The following RALY variants were observed in gnomAD, a reference collection of about 807,000 sequenced individuals.
RALY encodes the protein RNA-binding protein Raly.
RALY carries 15 observed loss-of-function variants against 30.7 expected under a neutral mutation model. The ratio of observed to expected loss-of-function variants is 0.49; its 90% CI spans 0.33 to 0.75. The LOEUF (loss-of-function observed/expected upper bound fraction) is 0.75. RALY is among the 30% of genes least tolerant of loss of function. RALY has a pLI of 0.02. For synonymous variants in RALY, 177 were observed against 170.8 expected (o/e 1.04, Z -0.28); for missense variants, 339 against 414.3 (o/e 0.82, Z 1.58).
intron 1 of RALY, among the ~76,000 whole-genome samples, chr20:34,000,177 T>G (rs184292789): frequency 3.3e-5 from 5 of 152,284 alleles, no homozygotes; most frequent in Non-Finnish European, 1.5e-5. Context: ...GAAATTGTGC[T>G]CAGGGTGCAG....
intron 9 of RALY, 107 bp from the exon 10 acceptor site, chr20:34,079,803 C>T (rs1157333082): frequency 1.3e-5 from 2 of 152,254 alleles, no homozygotes; most frequent in African/African-American, 4.8e-5. Context: ...GCAAGAATCT[C>T]TCTGTCTCCA....
chr20:34,023,521 C>G (rs2031907390), intron 1 of RALY, among the ~76,000 whole-genome samples: 2 of 152,156 alleles, frequency 1.3e-5, no homozygotes, highest in South Asian at 4.2e-4. Flanking sequence ...AGTCTCTGGA[C>G]AATGGCCATT....
chr20:34,077,203 C>T lies in RALY; in HGVS notation c.834C>T (p.Asp278=), dbSNP rs775628878. 9.6e-5 allele frequency: 155 copies of T among 1,613,658 alleles called. No homozygotes were observed. Among genetic ancestry groups the T allele is most frequent in the Middle Eastern group, 1.6e-4 (1 of 6,080 alleles). Residue 278 remains aspartate, a synonymous_variant, in exon 8 of 10, where the codon GAC becomes GAT. Coordinates refer to ENST00000246194, the MANE Select transcript of RALY (RefSeq NM_016732.3). ...AGGGGGAAGCACGGACCCGAGACGA[C>T]GGCGATGAGGAAGGGCTCCTGACAC... ...LPQGEARTRD[D]GDEEGLLTHS...
intron 2 of RALY, among the ~76,000 whole-genome samples, chr20:34,034,965 A>G (rs1182096170): frequency 6.6e-6 from 1 of 152,030 alleles, no homozygotes; most frequent in East Asian, 1.9e-4. Flanking sequence ...ATCCTGGCTA[A>G]CACGGTGAAA....
At position 34,076,685 on chromosome 20, in the gene RALY, C is replaced by A; in HGVS notation, c.545-17C>A. ...CCAGCCCCCTAGGTGACAGCCCTGT[C>A]CCCCCTCCACTCCCAGTAAAGAGCA... On this transcript the variant is annotated splice_polypyrimidine_tract_variant and intron_variant, in intron 6 of 9. Coordinates refer to ENST00000246194, the MANE Select transcript of RALY (RefSeq NM_016732.3). 2 of 1,608,734 alleles carry A rather than the reference C, an allele frequency of 1.2e-6. No homozygotes were observed. Among genetic ancestry groups the A allele is most frequent in the Non-Finnish European group, 1.7e-6 (2 of 1,175,820 alleles).
intron 2 of RALY, 75 bp from the exon 3 acceptor site, chr20:34,071,991 A>G: frequency 6.6e-7 from 1 of 1,506,658 alleles, no homozygotes. Flanking sequence ...CAATTCATTT[A>G]TCCAGGATAT....
At chr20:34,024,380 C>A (rs1269285368) in intron 1 of RALY, among the ~76,000 whole-genome samples, 1 of 152,156 alleles carries the variant, frequency 6.6e-6, no homozygotes, top group Non-Finnish European at 1.5e-5. Flanking sequence ...ATAATTCCTG[C>A]AGGGTTGGAT....
chr20:34,036,056 A>G (rs916976017), intron 2 of RALY, among the ~76,000 whole-genome samples: 4 of 152,170 alleles, frequency 2.6e-5, no homozygotes, highest in Non-Finnish European at 5.9e-5. Flanking sequence ...GACAGGGACC[A>G]GATCATGGAG....
At chr20:34,058,336 G>A (rs900393718) in intron 2 of RALY, among the ~76,000 whole-genome samples, 2 of 152,034 alleles carry the variant, frequency 1.3e-5, no homozygotes, top group Admixed American at 6.5e-5. Context: ...TATGTATACC[G>A]TATTACATGC....
intron 2 of RALY, among the ~76,000 whole-genome samples, chr20:34,053,096 G>A (rs1054723209): frequency 6.6e-6 from 1 of 151,904 alleles, no homozygotes; most frequent in Non-Finnish European, 1.5e-5. Context: ...CTGACCTCAG[G>A]TGATCCGCCT....
intron 1 of RALY, among the ~76,000 whole-genome samples, chr20:34,023,782 A>C (rs542242380): frequency 3.9e-5 from 6 of 152,000 alleles, no homozygotes; most frequent in African/African-American, 1.4e-4. Flanking sequence ...CCTTATTCCC[A>C]ATCAGGCCAC....
Position 34,084,067 on chromosome 20 carries a change from A to T in RALY, c.*4162A>T, listed in dbSNP as rs920569088. 6 of 152,206 alleles carry T rather than the reference A, an allele frequency of 3.9e-5. No individual in the cohort carries two copies. Among genetic ancestry groups the T allele is most frequent in the African/African-American group, 9.7e-5 (4 of 41,450 alleles). 9.4% of individuals were successfully genotyped at this position (152,206 alleles called of 1,614,324 possible). On this transcript the variant is annotated 3_prime_UTR_variant, in exon 10 of 10. Transcript: ENST00000246194. Reference sequence around the variant, plus strand: ...TCTGGTTACAAGTTACAGAAACTGAATTCAGTCCTGCTTAGTGGGAGGAAG... The same window carrying T: ...TCTGGTTACAAGTTACAGAAACTGATTTCAGTCCTGCTTAGTGGGAGGAAG...
chr20:34,017,889 TCAGA>T, intron 1 of RALY: 1 of 152,170 alleles, frequency 6.6e-6, no homozygotes, highest in South Asian at 2.1e-4. Flanking sequence ...AGCATCAGAG[TCAGA>T]CAAAGATACA....
intron 9 of RALY, 35 bp downstream of exon 9, chr20:34,078,588 G>A (rs769485476): frequency 2.0e-6 from 3 of 1,509,738 alleles, no homozygotes; most frequent in South Asian, 2.7e-5. Context: ...CAGAGGGTGG[G>A]GAATCAGTGA....
At chr20:34,010,618 A>G (rs950021178) in intron 1 of RALY, among the ~76,000 whole-genome samples, 1 of 152,198 alleles carries the variant, frequency 6.6e-6, no homozygotes, top group African/African-American at 2.4e-5. Context: ...ATCATCCAGT[A>G]TGTGGAGTAC....
intron 1 of RALY, among the ~76,000 whole-genome samples, chr20:34,025,703 A>C (rs1452476335): frequency 6.6e-6 from 1 of 151,634 alleles, no homozygotes; most frequent in African/African-American, 2.4e-5. Context: ...AAAAAAAAAA[A>C]TTGTTTTACA....
At chr20:34,063,383 G>A (rs1035575779) in intron 2 of RALY, among the ~76,000 whole-genome samples, 27 of 152,162 alleles carry the variant, frequency 1.8e-4, no homozygotes, top group Admixed American at 3.9e-4. Context: ...AATAACACAG[G>A]CTTTAGAATC....
chr20:34,014,945 A>G (rs2031548393), intron 1 of RALY: 1 of 152,236 alleles, frequency 6.6e-6, no homozygotes, highest in African/African-American at 2.4e-5. Context: ...AGATTTTTTC[A>G]AAGTCAAAAA....
chr20:34,075,723 T>C (rs1175966587), intron 5 of RALY, 151 bp from the exon 6 acceptor site: 2 of 858,130 alleles, frequency 2.3e-6, no homozygotes, highest in Admixed American at 2.9e-5. Context: ...AAGCCCTTCC[T>C]CTTCACTCCA....
Sources: gnomAD v4.1 joint callset for allele counts (sites outside exome capture counted in the v4.1 genomes callset) on GRCh38, gnomAD v4.1.1 for gene constraint, MANE v1.5 for transcripts, NCBI Gene and HGNC (gene_info 2026-07-23, HGNC 2026-07-21) for gene names.